CPNE4: variants seen among roughly 807,000 people sequenced by gnomAD.
The protein encoded by CPNE4 is copine-4.
In CPNE4, 25 loss-of-function variants were observed where a neutral mutation model predicts 67.9. The observed-to-expected ratio is 0.37, with a 90% CI of 0.27 to 0.51. The LOEUF is 0.51. Ranked by LOEUF, CPNE4 falls within the 20% of genes least tolerant of loss-of-function variation. The pLI, the probability that CPNE4 is intolerant of heterozygous loss-of-function variation, is 0.93. For synonymous variants in CPNE4, 242 were observed against 244.9 expected (o/e 0.99, Z 0.11); for missense variants, 464 against 690.8 (o/e 0.67, Z 3.68).
intron 9 of CPNE4, among the ~76,000 whole-genome samples, chr3:131,579,228 A>G (rs1937634763): frequency 6.6e-6 from 1 of 152,220 alleles, no homozygotes; most frequent in African/African-American, 2.4e-5. Flanking sequence ...TACAAATGGA[A>G]GAGCAAAGCC....
At chr3:131,923,300 C>T (rs552256260) in intron 1 of CPNE4, among the ~76,000 whole-genome samples, 1 of 152,280 alleles carries the variant, frequency 6.6e-6, no homozygotes, top group African/African-American at 2.4e-5. Context: ...TGTCACCAAA[C>T]ATTCTATCTG....
intron 1 of CPNE4, among the ~76,000 whole-genome samples, chr3:132,030,657 A>T (rs1356689325): frequency 1.3e-5 from 2 of 152,222 alleles, no homozygotes; most frequent in Admixed American, 1.3e-4. Flanking sequence ...GGGTTTCCAA[A>T]GAATACAGCA....
chr3:131,867,348 GCAAA>G (rs925898404), intron 2 of CPNE4, among the ~76,000 whole-genome samples: 2 of 151,986 alleles, frequency 1.3e-5, no homozygotes, highest in Admixed American at 6.6e-5. Flanking sequence ...CCAGAATGCA[GCAAA>G]CAAAGAATGA....
chr3:131,915,138 A>T (rs1380767400), intron 1 of CPNE4, among the ~76,000 whole-genome samples: 1 of 152,182 alleles, frequency 6.6e-6, no homozygotes, highest in East Asian at 1.9e-4. Flanking sequence ...TCCCAATGTC[A>T]TAGTAAGTGA....
rs756417352 is a variant in CPNE4, at chr3:132,027,212, TG to T, written c.-2+7354del. ...GTGGAGAGGAGAGAGGAGTGTGGTG[TG>T]GCATGGGCCAGAGAAGAACCCCAGG... On this transcript the variant is annotated intron_variant, in intron 1 of 15. Transcript: ENST00000429747. Among the ~76,000 whole-genome samples, 28 of 152,152 alleles carry T rather than the reference TG, an allele frequency of 1.8e-4. 1 individual carries two copies. The highest frequency in any genetic ancestry group is 3.7e-4 in the Non-Finnish European group (25 of 68,034).
At chr3:131,734,380 C>T (rs1252962059) in intron 2 of CPNE4, among the ~76,000 whole-genome samples, 1 of 152,164 alleles carries the variant, frequency 6.6e-6, no homozygotes, top group African/African-American at 2.4e-5. Context: ...GGGTTTCATC[C>T]TGTCTCTCAA....
chr3:131,694,717 T>C (rs1422076709), intron 5 of CPNE4, among the ~76,000 whole-genome samples: 2 of 152,166 alleles, frequency 1.3e-5, no homozygotes, highest in African/African-American at 4.8e-5. Context: ...TCTGGTAGAC[T>C]GTTCCAGCTA....
intron 1 of CPNE4, among the ~76,000 whole-genome samples, chr3:132,025,582 T>C (rs1260744436): frequency 6.6e-6 from 1 of 152,216 alleles, no homozygotes; most frequent in Non-Finnish European, 1.5e-5. Context: ...ATTTTCACAA[T>C]TCCCCTGCAA....
At chr3:131,973,716 T>A (rs1446397648) in intron 1 of CPNE4, among the ~76,000 whole-genome samples, 1 of 152,156 alleles carries the variant, frequency 6.6e-6, no homozygotes, top group East Asian at 1.9e-4. Flanking sequence ...TCCAAAGAAA[T>A]CTGGAAAGAA....
chr3:131,578,595 T>G (rs1165056233), intron 9 of CPNE4, among the ~76,000 whole-genome samples: 1 of 152,308 alleles, frequency 6.6e-6, no homozygotes, highest in South Asian at 2.1e-4. Flanking sequence ...TTAGGCCTCT[T>G]GCACCAAACA....
At chr3:131,718,026 C>A (rs1317946397) in intron 3 of CPNE4, among the ~76,000 whole-genome samples, 2 of 150,354 alleles carry the variant, frequency 1.3e-5, no homozygotes, top group Non-Finnish European at 3.0e-5. Flanking sequence ...TCTTTTGAGA[C>A]AGAGTATTGC....
At chr3:131,708,957 GATATATATATATATATATAT>G (rs202119937) in intron 3 of CPNE4, among the ~76,000 whole-genome samples, 13,233 of 65,940 alleles carry the variant, frequency 0.2, 1,431 homozygotes, top group South Asian at 0.26. Flanking sequence ...AGGGCATAAA[GATATATATATATATATATAT>G]ATATATATAT....
chr3:131,721,037 C>G (rs1194515751), intron 3 of CPNE4, among the ~76,000 whole-genome samples: 1 of 152,204 alleles, frequency 6.6e-6, no homozygotes, highest in Non-Finnish European at 1.5e-5. Context: ...CTCTCTCTGC[C>G]TGATGCCAGT....
intron 8 of CPNE4, 111 bp from the exon 9 acceptor site, chr3:131,581,776 T>C (rs1016270036): frequency 2.7e-6 from 2 of 752,650 alleles, no homozygotes; most frequent in African/African-American, 3.4e-5. Flanking sequence ...GGCTGACAAA[T>C]AGTCTCTAGG....
intron 7 of CPNE4, among the ~76,000 whole-genome samples, chr3:131,621,504 C>T (rs1025479539): frequency 2.0e-5 from 3 of 152,096 alleles, no homozygotes; most frequent in Non-Finnish European, 2.9e-5. Flanking sequence ...CCTAAGCCTC[C>T]CAGAGCACTG....
chr3:132,034,565 A>G lies in CPNE4; in HGVS notation c.-2+2T>C, dbSNP rs1270106042. ...AGGAATGAAGAGTTGGCATTTACTT[A>G]CCTGGGTGTGCCAATCTCGAAGAGT... On this transcript the variant is annotated splice_donor_variant, in intron 1 of 15. Coordinates refer to ENST00000429747, the MANE Select transcript of CPNE4 (RefSeq NM_130808.3). LOFTEE classifies it low-confidence loss of function (5UTR_SPLICE). The G allele has an allele frequency of 1.0e-6, 1 of 983,828 alleles. No individual in the cohort carries two copies. The highest frequency in any genetic ancestry group is 6.1e-5 in the Admixed American group (1 of 16,264). The allele number at this position is 983,828 out of a possible 1,614,324, so 60.9% of individuals were successfully genotyped here. A position where few individuals can be genotyped will look rare whatever the true frequency, so the allele number is the denominator to read the frequency against.
chr3:131,952,383 G>C (rs1373215573), intron 1 of CPNE4, among the ~76,000 whole-genome samples: 2 of 150,086 alleles, frequency 1.3e-5, no homozygotes, highest in Non-Finnish European at 3.0e-5. Flanking sequence ...CCCCGTCTGA[G>C]AAGTGAGGAG....
chr3:131,982,955 A>G lies in CPNE4; in HGVS notation c.-2+51612T>C, dbSNP rs376452688. On this transcript the variant is annotated intron_variant, in intron 1 of 15. Transcript: ENST00000429747. The stretch of plus-strand genomic sequence containing the variant: ...ATAGATAACATTGACATGAGCAAAC[A>G]AAATCTTTAAAGAAAAAAAGATGAG... Among the ~76,000 whole-genome samples, 179 of 152,238 alleles carry G rather than the reference A, an allele frequency of 1.2e-3. 4 individuals are homozygous for G. The South Asian group carries it at 0.022, about 18-fold the overall frequency.
chr3:131,927,128 G>A (rs1225051), intron 1 of CPNE4, among the ~76,000 whole-genome samples: 67,369 of 151,974 alleles, frequency 0.44, 15,070 homozygotes, highest in Non-Finnish European at 0.45. Flanking sequence ...TAACAACCTT[G>A]CAAATAGTCA....
Sources: allele counts gnomAD v4.1 joint callset (sites outside exome capture counted in the v4.1 genomes callset), GRCh38; gene constraint gnomAD v4.1.1; transcripts MANE v1.5; gene names NCBI Gene and HGNC (gene_info 2026-07-23, HGNC 2026-07-21).